Variants in USP40 observed in about 807,000 individuals in gnomAD.
USP40 encodes the protein ubiquitin specific peptidase 40.
Under a neutral mutation model 166.2 loss-of-function variants are expected in USP40, and 143 were observed. The observed-to-expected ratio is 0.86, with a 90% CI of 0.75 to 0.99. The LOEUF (loss-of-function observed/expected upper bound fraction) is 0.99. Ranked by LOEUF, USP40 falls within the 50% of genes least tolerant of loss-of-function variation. The pLI, the probability that USP40 is intolerant of heterozygous loss-of-function variation, is 0.00. For missense variants in USP40, 1,444 were observed against 1,479.7 expected (o/e 0.98, Z 0.40); for synonymous variants, 498 against 524.0 (o/e 0.95, Z 0.68).
At chr2:233,563,326 ATTTC>A (rs1559291934) in intron 2 of USP40, among the ~76,000 whole-genome samples, 1 of 152,216 alleles carries the variant, frequency 6.6e-6, no homozygotes, top group East Asian at 1.9e-4. Context: ...AGTCTCCAGA[ATTTC>A]TTTATCACCC....
At chr2:233,516,735 G>A (rs1053390959) in intron 18 of USP40, among the ~76,000 whole-genome samples, 19 of 151,076 alleles carry the variant, frequency 1.3e-4, no homozygotes, top group Non-Finnish European at 2.7e-4. Flanking sequence ...GCAGGTGCCT[G>A]TAACCCAGAT....
At chr2:233,498,447 G>C in intron 23 of USP40, 101 bp downstream of exon 23, 1 of 1,032,978 alleles carries the variant, frequency 9.7e-7, no homozygotes, top group Non-Finnish European at 1.4e-6. Context: ...GTATCCTATA[G>C]AAAGTAATTA....
chr2:233,497,711 T>C (rs904772508), intron 23 of USP40, among the ~76,000 whole-genome samples: 1 of 152,240 alleles, frequency 6.6e-6, no homozygotes, highest in Non-Finnish European at 1.5e-5. Flanking sequence ...TATATTCTTC[T>C]GACATCCAAA....
In USP40 at chr2:233,477,213, G is replaced by A. The variant is rs1559204234; in HGVS notation, c.*179C>T. The A allele has an allele frequency of 1.6e-6, 1 of 642,072 alleles. No individual in the cohort carries two copies. Among genetic ancestry groups the A allele is most frequent in the Non-Finnish European group, 2.8e-6 (1 of 359,534 alleles). The allele number at this position is 642,072 out of a possible 1,614,324, so 39.8% of individuals were successfully genotyped here. On this transcript the variant is annotated 3_prime_UTR_variant, in exon 32 of 32. Transcript: ENST00000678225. ...GCACCAGCCCCCGTGGCTGCCACGT[G>A]TTGCAGAGCTAAGTGACTACATGCA...
rs1009782489 is a variant in USP40 at position 233,493,341 on chromosome 2, A to G, written c.2917+84T>C. ...AAGATCTTACGTTTTAAAAATAAAT[A>G]TATCAATTGACTCTCAGAGCACAGG... On this transcript the variant is annotated intron_variant, in intron 25 of 31. Transcript: ENST00000678225. The surrounding 1 kb of genome is among the most constrained non-coding windows in gnomAD (Gnocchi z 4.7). The G allele has an allele frequency of 4.5e-6, 7 of 1,569,632 alleles. No individual in the cohort carries two copies. The highest frequency in any genetic ancestry group is 1.4e-5 in the African/African-American group (1 of 73,942).
intron 24 of USP40, among the ~76,000 whole-genome samples, chr2:233,494,323 G>A (rs2065526198): frequency 6.6e-6 from 1 of 151,762 alleles, no homozygotes; most frequent in African/African-American, 2.4e-5. Context: ...TTATGTTGGT[G>A]AAAATATGGG....
chr2:233,527,464 C>T lies in USP40; in HGVS notation c.1668G>A (p.Trp556Ter), dbSNP rs2068116128. The change falls in exon 13 of 32, where the codon TGG becomes TGA. Residue 556 changes from tryptophan (W) to a stop codon, truncating the protein, a stop_gained. Transcript: ENST00000678225. LOFTEE classifies it high-confidence loss of function. The stretch of plus-strand genomic sequence containing the variant: ...TTTTTCTTTTATCAAAGGTCAAATC[C>T]CACACGCTTTCTGTTTGAGAGACTA... ...HPVVSQTESVWDLTFDKRKTL... is the reference protein window; with the variant it reads ...HPVVSQTESV 1 of 1,613,632 alleles carries T rather than the reference C, an allele frequency of 6.2e-7. No homozygotes were observed. Among genetic ancestry groups the T allele is most frequent in the African/African-American group, 1.3e-5 (1 of 74,906 alleles).
chr2:233,500,579 C>A lies in USP40; in HGVS notation c.2614-664G>T, dbSNP rs2066013550. Among the ~76,000 whole-genome samples, 5 of 151,988 alleles carry A rather than the reference C, an allele frequency of 3.3e-5. No individual in the cohort carries two copies. In the South Asian group the frequency reaches 1.0e-3, roughly 32 times the overall value. ...GAGAGCAAAAATAAGGAAGTCACTGCTGTACTGTTTGTAATAAAAGAAAAA... is the reference window on the plus strand; with the variant it reads ...GAGAGCAAAAATAAGGAAGTCACTGATGTACTGTTTGTAATAAAAGAAAAA... On this transcript the variant is annotated intron_variant, in intron 21 of 31. Coordinates refer to ENST00000678225, the MANE Select transcript of USP40 (RefSeq NM_001365479.2).
At chr2:233,478,877 G>C (rs916897282) in intron 31 of USP40, among the ~76,000 whole-genome samples, 1 of 152,198 alleles carries the variant, frequency 6.6e-6, no homozygotes, top group East Asian at 1.9e-4. Context: ...TGCAGGTGAC[G>C]GTCACGCTGG....
intron 26 of USP40, 66 bp from the exon 27 acceptor site, chr2:233,489,549 G>GAAA: frequency 5.1e-6 from 6 of 1,165,726 alleles, no homozygotes; most frequent in Non-Finnish European, 5.9e-6. Flanking sequence ...TACTGTTTTA[G>GAAA]AAAAAAAAAA....
At chr2:233,481,109 A>G in intron 31 of USP40, 94 bp downstream of exon 31, 4 of 1,219,942 alleles carry the variant, frequency 3.3e-6, no homozygotes, top group Non-Finnish European at 4.6e-6. Flanking sequence ...TGAATCAACA[A>G]GAGTTTCCGG....
chr2:233,481,635 G>A (rs554007976), intron 30 of USP40: 15 of 294,968 alleles, frequency 5.1e-5, no homozygotes, highest in Non-Finnish European at 7.6e-5. Flanking sequence ...ATCTCTCATC[G>A]CCGCGCCAGA....
chr2:233,537,169 C>T (rs2069000827), intron 10 of USP40, among the ~76,000 whole-genome samples: 1 of 152,146 alleles, frequency 6.6e-6, no homozygotes, highest in Non-Finnish European at 1.5e-5. Flanking sequence ...AGGTGTGAGC[C>T]ACCACGTCCA....
rs754885851 is a variant in USP40 at position 233,540,715 on chromosome 2, T to C, written c.1117A>G (p.Ile373Val). ...DQLGQKLLKK[I>V]GISWNKKYRK... ...TACTTCTTGTTCCAAGATATTCCTATCTTTTTCAAAAGTTTCTGGCCCAGC... is the reference window on the plus strand; with the variant it reads ...TACTTCTTGTTCCAAGATATTCCTACCTTTTTCAAAAGTTTCTGGCCCAGC... Residue 373 changes from isoleucine (I) to valine (V), a missense_variant, in exon 10 of 32, where the codon ATA (isoleucine) becomes GTA (valine). Transcript: ENST00000678225. 2.5e-6 allele frequency: 4 copies of C among 1,613,486 alleles called. No homozygotes were observed. The highest frequency in any genetic ancestry group is 2.2e-5 in the East Asian group (1 of 44,834).
rs374157100 is a variant in USP40, at chr2:233,524,598, A to T, written c.1811-36T>A. ...ATCACCAGTGAGACCATTCATCATG[A>T]CCATCAGAAACAACTGAGCTAAAGA... On this transcript the variant is annotated intron_variant, in intron 14 of 31. Coordinates refer to ENST00000678225, the MANE Select transcript of USP40 (RefSeq NM_001365479.2). 174 of 1,482,744 alleles carry T rather than the reference A, an allele frequency of 1.2e-4. No homozygotes were observed. The African/African-American group carries it at 2.4e-3, about 20-fold the overall frequency. 91.8% of individuals were successfully genotyped at this position (1,482,744 alleles called of 1,614,324 possible).
chr2:233,512,507 C>T, intron 19 of USP40, 62 bp downstream of exon 19: 5 of 1,184,196 alleles, frequency 4.2e-6, no homozygotes, highest in Non-Finnish European at 5.9e-6. Flanking sequence ...TTGGAGGCCA[C>T]TATTTATCAA....
At chr2:233,534,644 A>C (rs1302516382) in intron 10 of USP40, among the ~76,000 whole-genome samples, 2 of 152,212 alleles carry the variant, frequency 1.3e-5, no homozygotes, top group Non-Finnish European at 2.9e-5. Context: ...TAACCCAAAG[A>C]CAACATTGTT....
intron 30 of USP40, among the ~76,000 whole-genome samples, chr2:233,483,616 A>C (rs1017527872): frequency 6.6e-6 from 1 of 152,218 alleles, no homozygotes; most frequent in African/African-American, 2.4e-5. Context: ...TGGTGTGAGC[A>C]GAGGTAAGTA....
At chr2:233,483,824 C>T (rs555319922) in intron 30 of USP40, among the ~76,000 whole-genome samples, 1 of 152,188 alleles carries the variant, frequency 6.6e-6, no homozygotes, top group Non-Finnish European at 1.5e-5. Context: ...CATAGATACT[C>T]AACTTGTATA....
Sources: gnomAD v4.1 joint callset for allele counts (sites outside exome capture counted in the v4.1 genomes callset) on GRCh38, gnomAD v4.1.1 for gene constraint, Gnocchi (gnomAD v3.1) non-coding constraint, MANE v1.5 for transcripts, NCBI Gene and HGNC (gene_info 2026-07-23, HGNC 2026-07-21) for gene names.